Variants in KAZN observed in about 807,000 individuals in gnomAD.
KAZN encodes kazrin.
In KAZN, 40 loss-of-function variants were observed where a neutral mutation model predicts 87.4. The ratio of observed to expected loss-of-function variants is 0.46; its 90% confidence interval spans 0.36 to 0.60. KAZN has a LOEUF of 0.60. KAZN is among the 20% of genes least tolerant of loss of function. KAZN has a pLI of 0.00. For missense variants in KAZN, 898 were observed against 1,073.9 expected, an observed-to-expected ratio of 0.84 and a Z score of 2.29; for synonymous variants, 466 against 458.3, an observed-to-expected ratio of 1.02 and a Z score of -0.22.
intron 1 of KAZN, among the ~76,000 whole-genome samples, chr1:14,078,981 C>T (rs982361297): frequency 2.2e-4 from 33 of 152,142 alleles, no homozygotes; most frequent in Admixed American, 7.2e-4. Context: ...CCACCGTGCC[C>T]GGCCTCTGGG....
intron 1 of KAZN, among the ~76,000 whole-genome samples, chr1:13,959,225 T>A (rs1164477985): frequency 6.6e-6 from 1 of 152,178 alleles, no homozygotes; most frequent in East Asian, 1.9e-4. Context: ...AACACTTCTG[T>A]GAGTCAGAAG....
At chr1:14,883,345 A>G (rs1458000781) in intron 1 of KAZN, among the ~76,000 whole-genome samples, 2 of 28,472 alleles carry the variant, frequency 7.0e-5, no homozygotes, top group Admixed American at 5.3e-4. Context: ...AGAGAGAGAA[A>G]GAAAGAAAGA....
At chr1:14,357,593 T>G (rs1205176840) in intron 2 of KAZN, among the ~76,000 whole-genome samples, 1 of 152,222 alleles carries the variant, frequency 6.6e-6, no homozygotes, top group African/African-American at 2.4e-5. Flanking sequence ...TTGAGATATG[T>G]TCCATCAATA....
chr1:14,022,401 C>A (rs1194734614), intron 1 of KAZN, among the ~76,000 whole-genome samples: 1 of 138,034 alleles, frequency 7.2e-6, no homozygotes, highest in Admixed American at 8.0e-5. Context: ...TGATAACAAT[C>A]TTGATTATTA....
At chr1:14,246,515 T>C (rs932891669) in intron 2 of KAZN, among the ~76,000 whole-genome samples, 46 of 152,176 alleles carry the variant, frequency 3.0e-4, no homozygotes, top group African/African-American at 1.1e-3. Context: ...TTTGGGAAGC[T>C]ATGAAATATT....
chr1:13,973,953 C>G (rs1642221512), intron 1 of KAZN, among the ~76,000 whole-genome samples: 1 of 152,244 alleles, frequency 6.6e-6, no homozygotes, highest in Non-Finnish European at 1.5e-5. Flanking sequence ...TGCATATCGT[C>G]ATACTCACAG....
chr1:14,794,987 C>T (rs921006933), intron 1 of KAZN, among the ~76,000 whole-genome samples: 1 of 152,178 alleles, frequency 6.6e-6, no homozygotes, highest in African/African-American at 2.4e-5. Flanking sequence ...ACATCAGACT[C>T]CAAGTTCTTC....
intron 2 of KAZN, among the ~76,000 whole-genome samples, chr1:15,001,324 A>AT (rs1573026893): frequency 6.9e-6 from 1 of 144,288 alleles, no homozygotes; most frequent in Admixed American, 7.0e-5. Context: ...AAAAAAAAAA[A>AT]ATTAACTGGG....
intron 4 of KAZN, among the ~76,000 whole-genome samples, chr1:15,048,174 C>T (rs953074925): frequency 7.2e-5 from 11 of 152,228 alleles, no homozygotes; most frequent in African/African-American, 1.9e-4. Flanking sequence ...AACTCTGGGC[C>T]GCCCCACACA....
rs138289517 is a variant in KAZN, at chr1:14,119,048, A to G, written c.92-61387A>G. On this transcript the variant is annotated intron_variant, in intron 1 of 16. Transcript: ENST00000636203. The stretch of plus-strand genomic sequence containing the variant: ...CAAAACAAACAAAAAAAACAAAAAC[A>G]AAAACAAAAAAAACCCTTTGCTAGA... Among the ~76,000 whole-genome samples the G allele has an allele frequency of 1.8e-3, 281 of 152,322 alleles. 2 individuals carry two copies. Among genetic ancestry groups the G allele is most frequent in the African/African-American group, 6.5e-3 (270 of 41,582 alleles).
intron 1 of KAZN, among the ~76,000 whole-genome samples, chr1:13,954,322 T>C (rs1157671222): frequency 1.3e-5 from 2 of 152,228 alleles, no homozygotes; most frequent in Admixed American, 1.3e-4. Context: ...GATGACATTC[T>C]GGGAGCTTTT....
chr1:14,460,654 C>G (rs1395127872), intron 2 of KAZN, among the ~76,000 whole-genome samples: 1 of 152,180 alleles, frequency 6.6e-6, no homozygotes, highest in East Asian at 1.9e-4. Flanking sequence ...GATACCCCAT[C>G]ATCCCCACAC....
intron 2 of KAZN, among the ~76,000 whole-genome samples, chr1:14,502,253 G>A (rs1670297201): frequency 6.6e-6 from 1 of 151,974 alleles, no homozygotes; most frequent in African/African-American, 2.4e-5. Flanking sequence ...ACTTTCCTCT[G>A]CTAACTCTGC....
At chr1:14,111,840 A>G (rs1259526857) in intron 1 of KAZN, among the ~76,000 whole-genome samples, 6 of 151,544 alleles carry the variant, frequency 4.0e-5, no homozygotes, top group Admixed American at 3.3e-4. Context: ...CCTGGGTTCA[A>G]GCGATTCTCC....
chr1:14,199,439 T>A (rs653504), intron 2 of KAZN, among the ~76,000 whole-genome samples: 3 of 152,056 alleles, frequency 2.0e-5, no homozygotes, highest in East Asian at 3.9e-4. Flanking sequence ...CCTTCCTGAC[T>A]ACACTATTGC....
chr1:14,711,835 C>G (rs751784636), intron 1 of KAZN, among the ~76,000 whole-genome samples: 4 of 152,290 alleles, frequency 2.6e-5, no homozygotes, highest in Middle Eastern at 3.4e-3. Context: ...GGACAAAGGA[C>G]TCAGAGGGCC....
intron 2 of KAZN, among the ~76,000 whole-genome samples, chr1:14,398,495 T>C (rs555053654): frequency 6.6e-6 from 1 of 152,314 alleles, no homozygotes; most frequent in African/African-American, 2.4e-5. Flanking sequence ...GTAGAAGTGT[T>C]TGCTATTATC....
chr1:14,319,015 TTTA>T (rs539764884), intron 2 of KAZN, among the ~76,000 whole-genome samples: 7,277 of 24,306 alleles, frequency 0.3, 595 homozygotes, highest in African/African-American at 0.47. Context: ...TTTATTTTTA[TTTA>T]TTTATTTATT....
intron 1 of KAZN, among the ~76,000 whole-genome samples, chr1:14,821,640 G>T (rs888474507): frequency 2.6e-5 from 4 of 152,164 alleles, no homozygotes; most frequent in Non-Finnish European, 5.9e-5. Context: ...GACAACCAGA[G>T]GGGGTCTCAG....
Sources: gnomAD v4.1 joint callset for allele counts (sites outside exome capture counted in the v4.1 genomes callset) on GRCh38, gnomAD v4.1.1 for gene constraint, MANE v1.5 for transcripts, NCBI Gene and HGNC (gene_info 2026-07-23, HGNC 2026-07-21) for gene names.